Variants in SLIT2 observed in about 807,000 individuals in gnomAD.
SLIT2 encodes slit homolog 2 protein.
SLIT2 carries 41 observed loss-of-function variants against 185.7 expected under a neutral mutation model. The ratio of observed to expected loss-of-function variants is 0.22; its 90% CI spans 0.17 to 0.29. SLIT2 has a LOEUF of 0.29. Ranked by LOEUF, SLIT2 falls within the 10% of genes least tolerant of loss-of-function variation. The pLI is 1.00. For synonymous variants in SLIT2, 693 were observed against 680.2 expected (o/e 1.02, Z -0.29); for missense variants, 1,571 against 1,909.0 (o/e 0.82, Z 3.30).
At chr4:20,297,657 A>G (rs1207071360) in intron 4 of SLIT2, among the ~76,000 whole-genome samples, 1 of 150,488 alleles carries the variant, frequency 6.6e-6, no homozygotes, top group Non-Finnish European at 1.5e-5. Context: ...AAGAGATGCA[A>G]TATGTATTCT....
chr4:20,471,035 T>C (rs1369334922), intron 5 of SLIT2, among the ~76,000 whole-genome samples: 1 of 152,104 alleles, frequency 6.6e-6, no homozygotes, highest in Non-Finnish European at 1.5e-5. Flanking sequence ...GGATGATGAG[T>C]GATGTTGATC....
chr4:20,506,772 T>C (rs1406866448), intron 9 of SLIT2, among the ~76,000 whole-genome samples: 1 of 151,906 alleles, frequency 6.6e-6, no homozygotes, highest in Non-Finnish European at 1.5e-5. Context: ...TTATAATATA[T>C]TAAAATTTAT....
rs80344845 is a variant in SLIT2, at chr4:20,328,993, A to T, written c.395+60112A>T. On this transcript the variant is annotated intron_variant, in intron 4 of 36. Coordinates refer to ENST00000504154, the MANE Select transcript of SLIT2 (RefSeq NM_004787.4). ...GAGACAGAGATATTAATTCATGGTG[A>T]TGTTAATCAAGTTATGGAAGCTGGA... is the stretch of plus-strand genomic sequence containing the variant. Among the ~76,000 whole-genome samples the T allele has an allele frequency of 9.0e-4, 137 of 152,180 alleles. 3 individuals are homozygous for T. In the East Asian group the frequency reaches 0.025, roughly 28 times the overall value.
At chr4:20,501,339 G>T (rs989774044) in intron 9 of SLIT2, among the ~76,000 whole-genome samples, 5 of 152,122 alleles carry the variant, frequency 3.3e-5, no homozygotes, top group African/African-American at 1.2e-4. Context: ...AGGCTGGAGT[G>T]CAGTGGCGTG....
chr4:20,419,693 G>GTT (rs1338199346), intron 4 of SLIT2, among the ~76,000 whole-genome samples: 50 of 151,700 alleles, frequency 3.3e-4, no homozygotes, highest in Admixed American at 1.3e-3. Context: ...GTGTGTGTGT[G>GTT]TGTGTGTGTG....
At chr4:20,284,677 A>G (rs983335341) in intron 4 of SLIT2, among the ~76,000 whole-genome samples, 1 of 152,218 alleles carries the variant, frequency 6.6e-6, no homozygotes, top group Non-Finnish European at 1.5e-5. Flanking sequence ...TTTTGTACCA[A>G]TGCTTTGACT....
chr4:20,516,974 A>G (rs1010328456), intron 11 of SLIT2, among the ~76,000 whole-genome samples: 6 of 152,198 alleles, frequency 3.9e-5, no homozygotes, highest in African/African-American at 1.2e-4. Flanking sequence ...ATTGAAAAAA[A>G]TAATTACACA....
chr4:20,510,454 T>C lies in SLIT2; in HGVS notation c.915-41T>C, dbSNP rs774908028. ...AGCTTGAATTAAACATGTCCGAAGG[T>C]TCACATTTCCATTTAAAAGTTGAAT... On this transcript the variant is annotated intron_variant, in intron 9 of 36. Transcript: ENST00000504154. 5 of 1,282,638 alleles carry C rather than the reference T, an allele frequency of 3.9e-6. No homozygotes were observed. In the South Asian group the frequency reaches 5.9e-5, roughly 15 times the overall value. 79.5% of individuals were successfully genotyped at this position (1,282,638 alleles called of 1,614,324 possible). A position where few individuals can be genotyped will look rare whatever the true frequency, so the allele number is the denominator to read the frequency against.
chr4:20,309,242 A>G (rs973009981), intron 4 of SLIT2, among the ~76,000 whole-genome samples: 1 of 152,168 alleles, frequency 6.6e-6, no homozygotes, highest in South Asian at 2.1e-4. Flanking sequence ...TGTATTTCAC[A>G]AACAACTTTA....
At chr4:20,317,002 G>GAA (rs148924335) in intron 4 of SLIT2, among the ~76,000 whole-genome samples, 1 of 149,864 alleles carries the variant, frequency 6.7e-6, no homozygotes, top group Non-Finnish European at 1.5e-5. Context: ...GGATTAGTGG[G>GAA]AAAAAAATGT....
intron 4 of SLIT2, among the ~76,000 whole-genome samples, chr4:20,442,059 G>T (rs1729792839): frequency 6.6e-6 from 1 of 152,180 alleles, no homozygotes; most frequent in Admixed American, 6.5e-5. Flanking sequence ...TTATAGTTGG[G>T]GGTAGGAGAG....
chr4:20,256,315 T>TGG (rs770256502), intron 1 of SLIT2, among the ~76,000 whole-genome samples: 156 of 116,850 alleles, frequency 1.3e-3, no homozygotes, highest in African/African-American at 4.8e-3. Flanking sequence ...AACTTTTTTT[T>TGG]TGGGGGGGGT....
chr4:20,375,450 A>C (rs1340044858), intron 4 of SLIT2, among the ~76,000 whole-genome samples: 1 of 152,092 alleles, frequency 6.6e-6, no homozygotes, highest in Admixed American at 6.6e-5. Flanking sequence ...AATAGTTTAT[A>C]CTTAAAAATA....
At chr4:20,423,260 T>C (rs918666106) in intron 4 of SLIT2, among the ~76,000 whole-genome samples, 4 of 152,120 alleles carry the variant, frequency 2.6e-5, no homozygotes, top group African/African-American at 9.7e-5. Flanking sequence ...AAAGGAGGCA[T>C]ATTTAAAAAC....
rs144066525 is a variant in SLIT2, at chr4:20,354,836, A to T, written c.395+85955A>T. Among the ~76,000 whole-genome samples the T allele has an allele frequency of 1.3e-3, 204 of 151,406 alleles. No individual in the cohort carries two copies. In the East Asian group the frequency reaches 0.015, roughly 11 times the overall value. The stretch of plus-strand genomic sequence containing the variant: ...ACAGAATTAATACAATTACTTTGAG[A>T]ATTTTGAAGAAAAAACTTTTGAAAA... On this transcript the variant is annotated intron_variant, in intron 4 of 36. Transcript: ENST00000504154.
chr4:20,256,998 C>T (rs762488191), intron 2 of SLIT2, among the ~76,000 whole-genome samples: 5 of 151,936 alleles, frequency 3.3e-5, no homozygotes, highest in Admixed American at 6.6e-5. Context: ...ATACCCTAAG[C>T]GCTTTATGCA....
intron 4 of SLIT2, among the ~76,000 whole-genome samples, chr4:20,452,718 T>G (rs776606636): frequency 1.2e-4 from 18 of 152,208 alleles, no homozygotes; most frequent in Non-Finnish European, 2.2e-4. Flanking sequence ...ATTTTTCATA[T>G]TGTGTTGAAT....
chr4:20,323,876 T>C (rs2109174739), intron 4 of SLIT2, among the ~76,000 whole-genome samples: 1 of 152,342 alleles, frequency 6.6e-6, no homozygotes, highest in East Asian at 1.9e-4. Flanking sequence ...ATAGAATGTG[T>C]TCAGTTTGTA....
chr4:20,458,951 T>C (rs765259403), intron 4 of SLIT2, among the ~76,000 whole-genome samples: 11 of 152,210 alleles, frequency 7.2e-5, no homozygotes, highest in Non-Finnish European at 1.6e-4. Flanking sequence ...AATTGCATAC[T>C]TTTTCACACT....
Sources: allele counts gnomAD v4.1 joint callset (sites outside exome capture counted in the v4.1 genomes callset), GRCh38; gene constraint gnomAD v4.1.1; transcripts MANE v1.5; gene names NCBI Gene and HGNC (gene_info 2026-07-23, HGNC 2026-07-21).